HEATR5A: variants seen among roughly 807,000 people sequenced by gnomAD.
The protein encoded by HEATR5A is HEAT repeat containing 5A.
In HEATR5A, 178 loss-of-function variants were observed where a neutral mutation model predicts 218.8. The ratio of observed to expected loss-of-function variants is 0.81; its 90% confidence interval spans 0.72 to 0.92. The LOEUF is 0.92. Among genes scored for constraint, HEATR5A ranks in the 40% least tolerant of loss-of-function variants. HEATR5A has a pLI of 0.00. For missense variants in HEATR5A, 2,420 were observed against 2,418.9 expected (o/e 1.00, Z -0.01); for synonymous variants, 864 against 871.6 (o/e 0.99, Z 0.15).
chr14:31,349,630 G>A (rs983632809), intron 18 of HEATR5A, among the ~76,000 whole-genome samples, 159 bp downstream of exon 18: 6 of 152,014 alleles, frequency 3.9e-5, no homozygotes, highest in Admixed American at 1.3e-4. Context: ...AAGACCAGCC[G>A]GCCAATTTTT....
intron 19 of HEATR5A, 56 bp from the exon 20 acceptor site, chr14:31,345,332 A>C (rs1162760771): frequency 7.6e-7 from 1 of 1,315,508 alleles, no homozygotes; most frequent in Non-Finnish European, 1.0e-6. Context: ...AGAAACATAA[A>C]ATAAATTAAC....
chr14:31,320,560 C>T (rs1191977859), intron 25 of HEATR5A: 8 of 903,672 alleles, frequency 8.9e-6, no homozygotes, highest in Middle Eastern at 3.0e-4. Context: ...AGAAGGCAGA[C>T]ACAGGCCTGA....
chr14:31,362,990 G>A (rs572065985), intron 14 of HEATR5A, among the ~76,000 whole-genome samples: 37 of 151,496 alleles, frequency 2.4e-4, no homozygotes, highest in Non-Finnish European at 5.0e-4. Context: ...TAATCCCAGC[G>A]CTTTGGGAGG....
Position 31,380,581 on chromosome 14 carries a change from AT to A in HEATR5A, c.1597-4del. ...TCCTCTGCTAATGTCATAATAATCT[AT>A]TTACATATAGAACAAGTTTTAAAAA... On this transcript the variant is annotated splice_region_variant and splice_polypyrimidine_tract_variant and intron_variant, in intron 10 of 35. Transcript: ENST00000543095. 1 of 1,558,160 alleles carries A rather than the reference AT, an allele frequency of 6.4e-7. No homozygotes were observed. The highest frequency in any genetic ancestry group is 8.7e-7 in the Non-Finnish European group (1 of 1,144,628).
At chr14:31,398,575 T>C (rs1478944074) in intron 4 of HEATR5A, 98 bp downstream of exon 4, 5 of 622,608 alleles carry the variant, frequency 8.0e-6, no homozygotes, top group Non-Finnish European at 1.4e-5. Flanking sequence ...CATATCTACA[T>C]ATGCTTGACA....
At chr14:31,358,343 T>C (rs1419865528) in intron 16 of HEATR5A, among the ~76,000 whole-genome samples, 1 of 152,168 alleles carries the variant, frequency 6.6e-6, no homozygotes, top group African/African-American at 2.4e-5. Context: ...ACCTAGTATG[T>C]GTCTTTGTAA....
chr14:31,318,491 C>G (rs1566752069), intron 25 of HEATR5A, among the ~76,000 whole-genome samples, 199 bp from the exon 26 acceptor site: 2 of 152,172 alleles, frequency 1.3e-5, no homozygotes, highest in Non-Finnish European at 2.9e-5. Flanking sequence ...TTCTCTCCCC[C>G]TTTATTTTTT....
intron 22 of HEATR5A, among the ~76,000 whole-genome samples, chr14:31,326,677 T>C (rs1900277016): frequency 6.6e-6 from 1 of 152,140 alleles, no homozygotes; most frequent in South Asian, 2.1e-4. Context: ...AATTTCACTC[T>C]TGTTGCCCAG....
intron 19 of HEATR5A, among the ~76,000 whole-genome samples, chr14:31,345,914 G>GCACA (rs35067283): frequency 6.6e-6 from 1 of 150,782 alleles, no homozygotes; most frequent in Non-Finnish European, 1.5e-5. Context: ...ATGCACACAC[G>GCACA]CACACACACA....
intron 22 of HEATR5A, chr14:31,334,368 GC>G (rs1900578142): frequency 2.2e-6 from 1 of 455,202 alleles, no homozygotes; most frequent in African/African-American, 2.0e-5. Context: ...ATGGATCCAG[GC>G]AAAGTAACTG....
At chr14:31,336,677 T>G (rs1032422352) in intron 22 of HEATR5A, among the ~76,000 whole-genome samples, 1 of 152,188 alleles carries the variant, frequency 6.6e-6, no homozygotes, top group African/African-American at 2.4e-5. Flanking sequence ...GACGTATCTA[T>G]AATAAATTTT....
intron 33 of HEATR5A, among the ~76,000 whole-genome samples, chr14:31,299,573 A>G (rs1042309948): frequency 6.6e-6 from 1 of 151,904 alleles, no homozygotes; most frequent in Non-Finnish European, 1.5e-5. Flanking sequence ...TACAAAAAAA[A>G]TTAGCCAGGC....
chr14:31,420,501 G>C lies in HEATR5A; in HGVS notation c.-104C>G, dbSNP rs959714096. On this transcript the variant is annotated 5_prime_UTR_variant, in exon 1 of 36. Coordinates refer to ENST00000543095, the MANE Select transcript of HEATR5A (RefSeq NM_015473.4). ...GGGGGTCCTCCTCAGCTGAGCGTGC[G>C]TCCCGGTCCAGCAACGTTACCGGCT... The C allele has an allele frequency of 2.0e-5, 3 of 152,538 alleles. No individual in the cohort carries two copies. The highest frequency in any genetic ancestry group is 2.9e-5 in the Non-Finnish European group (2 of 68,302). 9.4% of individuals were successfully genotyped at this position (152,538 alleles called of 1,614,324 possible). A position where few individuals can be genotyped will look rare whatever the true frequency, so the allele number is the denominator to read the frequency against.
chr14:31,395,288 C>T lies in HEATR5A; in HGVS notation c.508G>A (p.Ala170Thr). ...LQNILNGLGA[A>T]AAPCHRDVYK... Reference sequence around the variant, plus strand: ...ACATCCCTGTGACAAGGTGCAGCGGCAGCTCCTAGTCCATTCAATATATTT... The same window carrying T: ...ACATCCCTGTGACAAGGTGCAGCGGTAGCTCCTAGTCCATTCAATATATTT... Residue 170 changes from alanine to threonine, a missense_variant, in exon 5 of 36, where the codon GCC (alanine) becomes ACC (threonine). Coordinates refer to ENST00000543095, the MANE Select transcript of HEATR5A (RefSeq NM_015473.4). 6.5e-7 allele frequency: 1 copy of T among 1,530,868 alleles called. No individual in the cohort carries two copies. Among genetic ancestry groups the T allele is most frequent in the Non-Finnish European group, 8.8e-7 (1 of 1,142,248 alleles). 94.8% of individuals were successfully genotyped at this position (1,530,868 alleles called of 1,614,324 possible).
chr14:31,310,273 G>T (rs1306379050), intron 28 of HEATR5A, among the ~76,000 whole-genome samples: 2 of 151,968 alleles, frequency 1.3e-5, no homozygotes, highest in Admixed American at 1.3e-4. Flanking sequence ...GAGCTCAAGT[G>T]ACCCTCCCAC....
intron 22 of HEATR5A, among the ~76,000 whole-genome samples, chr14:31,328,944 C>A (rs1900367132): frequency 6.6e-6 from 1 of 151,354 alleles, no homozygotes; most frequent in Non-Finnish European, 1.5e-5. Flanking sequence ...ATTGGGGAAG[C>A]CTCAGGAAAC....
At chr14:31,306,485 C>CTAAA (rs552825546) in intron 31 of HEATR5A, among the ~76,000 whole-genome samples, 5,445 of 151,408 alleles carry the variant, frequency 0.036, 280 homozygotes, top group African/African-American at 0.12. Context: ...CCTTGTCTCA[C>CTAAA]TAAATAAATA....
Position 31,293,407 on chromosome 14 carries a change from T to C in HEATR5A, c.6039A>G (p.Ile2013Met), listed in dbSNP as rs1899078385. 1.2e-6 allele frequency: 2 copies of C among 1,613,852 alleles called. No homozygotes were observed. The highest frequency in any genetic ancestry group is 1.7e-6 in the Non-Finnish European group (2 of 1,179,838). The stretch of plus-strand genomic sequence containing the variant: ...CTTTGACACTTTCCTGATTGCCCTT[T>C]ATAGCAGCCTCAAGGCGGGCTTTTA... Reference protein sequence around the residue: ...PALKARLEAAIKGNQESVKVK... With the variant: ...PALKARLEAAMKGNQESVKVK... The change falls in exon 36 of 36, where the codon ATA becomes ATG. Residue 2013 changes from isoleucine (I) to methionine (M), a missense_variant. Transcript: ENST00000543095.
At chr14:31,346,109 T>C (rs1327525577) in intron 19 of HEATR5A, among the ~76,000 whole-genome samples, 4 of 152,178 alleles carry the variant, frequency 2.6e-5, no homozygotes, top group Non-Finnish European at 1.5e-5. Context: ...ATTCCTCTTA[T>C]CAATGGATGT....
Sources: allele counts gnomAD v4.1 joint callset (sites outside exome capture counted in the v4.1 genomes callset), GRCh38; gene constraint gnomAD v4.1.1; transcripts MANE v1.5; gene names NCBI Gene and HGNC (gene_info 2026-07-23, HGNC 2026-07-21).